KHDRBS2: variants seen among roughly 807,000 people sequenced by gnomAD.
KHDRBS2 encodes KH RNA binding domain containing, signal transduction associated 2.
KHDRBS2 carries 26 observed loss-of-function variants against 44.3 expected under a neutral mutation model. The ratio of observed to expected loss-of-function variants is 0.59; its 90% confidence interval spans 0.43 to 0.81. The LOEUF is 0.81. KHDRBS2 is among the 40% of genes least tolerant of loss of function. The probability of loss-of-function intolerance (pLI) is 0.00; values close to 1 mark genes in which losing one functional copy is unlikely to be tolerated. For missense variants in KHDRBS2, 476 were observed against 433.1 expected (o/e 1.10, Z -0.88); for synonymous variants, 194 against 151.1 (o/e 1.28, Z -2.08).
At chr6:61,816,373 A>G (rs1026194284) in intron 6 of KHDRBS2, among the ~76,000 whole-genome samples, 6 of 152,088 alleles carry the variant, frequency 3.9e-5, no homozygotes, top group Admixed American at 6.6e-5. Context: ...TGAAGAAGGA[A>G]GATGCCCGTG....
intron 1 of KHDRBS2, among the ~76,000 whole-genome samples, chr6:62,227,613 G>C (rs1030410882): frequency 6.6e-6 from 1 of 152,122 alleles, no homozygotes; most frequent in African/African-American, 2.4e-5. Flanking sequence ...GTTTTCAAGG[G>C]GAATGCTTCC....
chr6:61,622,618 C>T, the KHDRBS2 span, among the ~76,000 whole-genome samples: 91 of 152,140 alleles, frequency 6.0e-4, no homozygotes, highest in African/African-American at 2.0e-3. Context: ...GCAAACTCAG[C>T]GTTAGAGGGG....
chr6:61,551,659 G>T, the KHDRBS2 span, among the ~76,000 whole-genome samples: 15 of 152,226 alleles, frequency 9.9e-5, no homozygotes, highest in Admixed American at 8.5e-4. Context: ...CTTTGTTGAA[G>T]ACCAGATGGT....
At chr6:62,150,336 A>G (rs1473592692) in intron 2 of KHDRBS2, among the ~76,000 whole-genome samples, 2 of 152,026 alleles carry the variant, frequency 1.3e-5, no homozygotes, top group Admixed American at 6.6e-5. Flanking sequence ...TGTAGCATAC[A>G]TGGTCTTGCT....
the KHDRBS2 span, among the ~76,000 whole-genome samples, chr6:61,565,573 A>G: frequency 5.3e-5 from 8 of 152,124 alleles, no homozygotes; most frequent in South Asian, 2.1e-4. Context: ...AATGCTCAAC[A>G]TCACTAATAA....
chr6:62,122,035 C>G (rs1807780912), intron 2 of KHDRBS2, among the ~76,000 whole-genome samples: 1 of 152,010 alleles, frequency 6.6e-6, no homozygotes, highest in South Asian at 2.1e-4. Flanking sequence ...GGGTGTGTTA[C>G]TCCAGCCCAT....
intron 4 of KHDRBS2, among the ~76,000 whole-genome samples, chr6:61,904,035 G>A (rs1199581874): frequency 6.6e-6 from 1 of 152,098 alleles, no homozygotes; most frequent in East Asian, 1.9e-4. Context: ...GGTTTGTTTT[G>A]TGCAAAAGCT....
intron 2 of KHDRBS2, among the ~76,000 whole-genome samples, chr6:62,145,910 A>C (rs1261142037): frequency 6.6e-6 from 1 of 151,920 alleles, no homozygotes; most frequent in Non-Finnish European, 1.5e-5. Context: ...GGTATATATG[A>C]AACATAAATG....
At chr6:61,877,768 G>T (rs562396299) in intron 6 of KHDRBS2, among the ~76,000 whole-genome samples, 4 of 151,742 alleles carry the variant, frequency 2.6e-5, no homozygotes, top group Non-Finnish European at 2.9e-5. Flanking sequence ...CAAGCATTTG[G>T]CTAAAAAATC....
chr6:61,863,633 T>G (rs1381431218), intron 6 of KHDRBS2, among the ~76,000 whole-genome samples: 4 of 152,230 alleles, frequency 2.6e-5, no homozygotes, highest in Non-Finnish European at 5.9e-5. Flanking sequence ...TTGATTGTAC[T>G]GTGATCCAAG....
chr6:61,767,736 A>G (rs1780217319), intron 6 of KHDRBS2, among the ~76,000 whole-genome samples: 1 of 152,104 alleles, frequency 6.6e-6, no homozygotes, highest in African/African-American at 2.4e-5. Context: ...TTTCATAAAC[A>G]AACAAGCAAA....
the KHDRBS2 span, among the ~76,000 whole-genome samples, chr6:61,602,500 C>T: frequency 6.6e-6 from 1 of 152,170 alleles, no homozygotes; most frequent in Admixed American, 6.5e-5. Flanking sequence ...CAGCCACTCC[C>T]AGAGCCCCTG....
At chr6:62,278,038 C>G (rs911115816) in intron 1 of KHDRBS2, among the ~76,000 whole-genome samples, 3 of 152,084 alleles carry the variant, frequency 2.0e-5, no homozygotes, top group African/African-American at 7.2e-5. Context: ...GTGGTTATTC[C>G]ACCTCTAAAA....
At chr6:61,954,573 T>A (rs1380263560) in intron 4 of KHDRBS2, among the ~76,000 whole-genome samples, 1 of 138,282 alleles carries the variant, frequency 7.2e-6, no homozygotes, top group Non-Finnish European at 1.6e-5. Context: ...TACATACGTA[T>A]GTAGACATAT....
At chr6:61,622,684 A>T in the KHDRBS2 span, among the ~76,000 whole-genome samples, 5 of 152,192 alleles carry the variant, frequency 3.3e-5, no homozygotes, top group Non-Finnish European at 5.9e-5. Flanking sequence ...GAAATGCCTG[A>T]GTTTCCCCGG....
chr6:62,101,780 G>A (rs1045298267), intron 2 of KHDRBS2, among the ~76,000 whole-genome samples: 14 of 152,160 alleles, frequency 9.2e-5, no homozygotes, highest in African/African-American at 3.1e-4. Flanking sequence ...TTTTGTATAT[G>A]AACATTTATT....
At chr6:62,176,181 C>T (rs1484062285) in intron 2 of KHDRBS2, among the ~76,000 whole-genome samples, 1 of 151,256 alleles carries the variant, frequency 6.6e-6, no homozygotes, top group Non-Finnish European at 1.5e-5. Flanking sequence ...TTCAAGAGAA[C>T]ATGATTATAA....
the KHDRBS2 span, among the ~76,000 whole-genome samples, chr6:61,654,454 G>A: frequency 1.3e-5 from 2 of 151,766 alleles, no homozygotes; most frequent in African/African-American, 2.4e-5. Context: ...GGATGGATAC[G>A]GGAGAGAGAA....
downstream of KHDRBS2, chr6:61,679,034 A>G (rs1423276384): frequency 2.0e-5 from 3 of 151,950 alleles, no homozygotes; most frequent in Admixed American, 1.3e-4. Flanking sequence ...ATTTTAATTG[A>G]TGACAGACAC....
Sources: allele counts gnomAD v4.1 joint callset (sites outside exome capture counted in the v4.1 genomes callset), GRCh38; gene constraint gnomAD v4.1.1; transcripts MANE v1.5; gene names NCBI Gene and HGNC (gene_info 2026-07-23, HGNC 2026-07-21).